The following LRRTM4 variants were observed in gnomAD, a reference collection of about 807,000 sequenced individuals.
LRRTM4 encodes leucine rich repeat transmembrane neuronal 4.
A neutral mutation model predicts 47.6 loss-of-function variants in LRRTM4; 25 were observed. That is an observed-to-expected ratio of 0.53 (90% CI 0.38 to 0.73). The LOEUF (loss-of-function observed/expected upper bound fraction) is 0.73. Ranked by LOEUF, LRRTM4 falls within the 30% of genes least tolerant of loss-of-function variation. The pLI, the probability that LRRTM4 is intolerant of heterozygous loss-of-function variation, is 0.00. For synonymous variants in LRRTM4, 311 were observed against 269.5 expected (o/e 1.15, Z -1.51); for missense variants, 638 against 713.4 (o/e 0.89, Z 1.20).
chr2:77,207,155 T>TAC (rs1298943453), intron 3 of LRRTM4, among the ~76,000 whole-genome samples: 1 of 145,842 alleles, frequency 6.9e-6, no homozygotes, highest in Non-Finnish European at 1.5e-5. Context: ...TATATATATA[T>TAC]ATATATATAG....
chr2:76,809,589 A>AT (rs985492184), intron 3 of LRRTM4, among the ~76,000 whole-genome samples: 7 of 152,040 alleles, frequency 4.6e-5, no homozygotes, highest in Non-Finnish European at 8.8e-5. Context: ...TATGAGAGCA[A>AT]TTTCTCTTCT....
chr2:77,225,237 T>A (rs1393058867), intron 3 of LRRTM4, among the ~76,000 whole-genome samples: 1 of 140,374 alleles, frequency 7.1e-6, no homozygotes, highest in Non-Finnish European at 1.5e-5. Context: ...GGGGGAGGGA[T>A]AGCATTAGGA....
intron 3 of LRRTM4, among the ~76,000 whole-genome samples, chr2:77,212,372 A>G (rs980451591): frequency 5.0e-5 from 7 of 140,686 alleles, no homozygotes; most frequent in Non-Finnish European, 1.1e-4. Flanking sequence ...ATATATATAT[A>G]GTGTCATATA....
intron 3 of LRRTM4, among the ~76,000 whole-genome samples, chr2:76,762,002 G>T (rs936684249): frequency 6.6e-6 from 1 of 152,174 alleles, no homozygotes; most frequent in African/African-American, 2.4e-5. Context: ...TGATCTGTAT[G>T]TGTGAGACTA....
chr2:77,229,157 T>C (rs1674896286), intron 3 of LRRTM4, among the ~76,000 whole-genome samples: 1 of 152,068 alleles, frequency 6.6e-6, no homozygotes, highest in Non-Finnish European at 1.5e-5. Flanking sequence ...TCCTACCTAC[T>C]TATTCTTTTT....
chr2:77,484,259 A>G (rs1028614529), intron 3 of LRRTM4, among the ~76,000 whole-genome samples: 5 of 152,204 alleles, frequency 3.3e-5, no homozygotes, highest in African/African-American at 9.6e-5. Flanking sequence ...TCTTATGTAG[A>G]TAACTTGTGT....
intron 3 of LRRTM4, among the ~76,000 whole-genome samples, chr2:76,775,440 A>G (rs1479891103): frequency 6.6e-6 from 1 of 152,222 alleles, no homozygotes; most frequent in Non-Finnish European, 1.5e-5. Context: ...GGCTCTGGGC[A>G]GCCAGGGGCA....
rs377593740 is a variant in LRRTM4, at chr2:77,066,855, T to C, written c.1552-317939A>G. 9.8e-5 allele frequency among the ~76,000 whole-genome samples: 15 copies of C among 152,370 alleles called. No homozygotes were observed. In the South Asian group the frequency reaches 2.9e-3, roughly 29 times the overall value. On this transcript the variant is annotated intron_variant, in intron 3 of 3. Transcript: ENST00000409884. ...TGACTAATTTACTCAAACCAGTATG[T>C]CTGGTAATGTTGTGCATGTATGTCC...
chr2:77,326,638 G>T (rs1472853686), intron 3 of LRRTM4, among the ~76,000 whole-genome samples: 2 of 152,020 alleles, frequency 1.3e-5, no homozygotes, highest in Admixed American at 6.6e-5. Context: ...TCAAGCAATT[G>T]TTCCACCTTG....
At chr2:77,191,588 TA>T (rs2103879614) in intron 3 of LRRTM4, among the ~76,000 whole-genome samples, 2 of 151,940 alleles carry the variant, frequency 1.3e-5, no homozygotes, top group East Asian at 3.9e-4. Context: ...TTATAAATAT[TA>T]AAAAGATTAC....
At chr2:77,014,053 G>C (rs180996646) in intron 3 of LRRTM4, among the ~76,000 whole-genome samples, 201 of 152,224 alleles carry the variant, frequency 1.3e-3, no homozygotes, top group Non-Finnish European at 2.5e-3. Flanking sequence ...TGTGTTTTGA[G>C]TATGATGAGA....
intron 3 of LRRTM4, among the ~76,000 whole-genome samples, chr2:77,251,231 A>G (rs571882373): frequency 1.4e-5 from 1 of 71,730 alleles, no homozygotes; most frequent in Non-Finnish European, 2.5e-5. Context: ...ATATATACAT[A>G]TAGGTGTGTG....
At chr2:77,194,833 C>T (rs1673767392) in intron 3 of LRRTM4, among the ~76,000 whole-genome samples, 1 of 151,316 alleles carries the variant, frequency 6.6e-6, no homozygotes, top group Admixed American at 6.6e-5. Flanking sequence ...GACAATAACC[C>T]AATATCATAT....
chr2:77,344,844 GACTAGGAT>G (rs1385172354), intron 3 of LRRTM4, among the ~76,000 whole-genome samples: 2 of 151,494 alleles, frequency 1.3e-5, no homozygotes, highest in Non-Finnish European at 2.9e-5. Flanking sequence ...CAGACATGAA[GACTAGGAT>G]ACAATCCTTA....
chr2:77,123,871 C>G (rs13032422), intron 3 of LRRTM4, among the ~76,000 whole-genome samples: 2 of 152,086 alleles, frequency 1.3e-5, no homozygotes, highest in East Asian at 3.9e-4. Flanking sequence ...GAATTCCTAG[C>G]TCATCTTCCT....
At chr2:77,176,730 A>G (rs1445646642) in intron 3 of LRRTM4, among the ~76,000 whole-genome samples, 5 of 152,168 alleles carry the variant, frequency 3.3e-5, no homozygotes, top group Non-Finnish European at 7.4e-5. Flanking sequence ...CTGATTTTAC[A>G]TATTGGTTTT....
At chr2:76,946,796 G>A (rs76231671) in intron 3 of LRRTM4, among the ~76,000 whole-genome samples, 8,013 of 151,844 alleles carry the variant, frequency 0.053, 491 homozygotes, top group East Asian at 0.14. Context: ...AAAAGTGGAC[G>A]TTTTTATTCC....
intron 3 of LRRTM4, among the ~76,000 whole-genome samples, chr2:77,203,156 G>C (rs1022555270): frequency 1.3e-5 from 2 of 151,918 alleles, no homozygotes; most frequent in East Asian, 3.9e-4. Context: ...CCCTAACTGA[G>C]TTCCTTAGCA....
At chr2:77,015,607 A>G (rs1309292907) in intron 3 of LRRTM4, among the ~76,000 whole-genome samples, 1 of 151,702 alleles carries the variant, frequency 6.6e-6, no homozygotes, top group Non-Finnish European at 1.5e-5. Context: ...TACAGGTGTG[A>G]GCCACCATGC....
Sources: allele counts gnomAD v4.1 joint callset (sites outside exome capture counted in the v4.1 genomes callset), GRCh38; gene constraint gnomAD v4.1.1; transcripts MANE v1.5; gene names NCBI Gene and HGNC (gene_info 2026-07-23, HGNC 2026-07-21).